SFXN5: variants seen among roughly 807,000 people sequenced by gnomAD.
The protein encoded by SFXN5 is sideroflexin-5.
Under a neutral mutation model 50.2 loss-of-function variants are expected in SFXN5, and 43 were observed. The ratio of observed to expected loss-of-function variants is 0.86; its 90% CI spans 0.67 to 1.11. The LOEUF is 1.11. Ranked by LOEUF, SFXN5 falls within the 50% of genes least tolerant of loss-of-function variation. SFXN5 has a pLI of 0.00. For missense variants in SFXN5, 463 were observed against 454.1 expected (o/e 1.02, Z -0.18); for synonymous variants, 203 against 185.8 (o/e 1.09, Z -0.75).
In SFXN5 at chr2:72,950,288, C is replaced by T. The variant is rs938821769; in HGVS notation, c.946-5189G>A. On this transcript the variant is annotated intron_variant, in intron 13 of 13. Transcript: ENST00000272433. This position sits in a 1 kb window ranked among gnomAD's most constrained non-coding sequence, Gnocchi z 4.2. ...AGAGAGAGTTTTCTGAGAGTTGTCCCAGTGAGGGCTGAGAGGCTTTGGTCT... is the reference window on the plus strand; with the variant it reads ...AGAGAGAGTTTTCTGAGAGTTGTCCTAGTGAGGGCTGAGAGGCTTTGGTCT... Among the ~76,000 whole-genome samples the T allele has an allele frequency of 6.6e-6, 1 of 152,174 alleles. No individual in the cohort carries two copies. Among genetic ancestry groups the T allele is most frequent in the Admixed American group, 6.5e-5 (1 of 15,284 alleles).
chr2:73,059,049 G>A, intron 1 of SFXN5: 1 of 997,286 alleles, frequency 1.0e-6, no homozygotes, highest in Non-Finnish European at 1.2e-6. Flanking sequence ...CTGCCTCCAG[G>A]GGGGATCCCC....
intron 10 of SFXN5, among the ~76,000 whole-genome samples, chr2:72,974,685 T>C (rs532507869): frequency 2.0e-5 from 3 of 152,294 alleles, no homozygotes; most frequent in Non-Finnish European, 1.5e-5. Flanking sequence ...CCTTGGGCAG[T>C]GGGAATGCCA....
intron 6 of SFXN5, among the ~76,000 whole-genome samples, chr2:73,003,691 C>T (rs543099649): frequency 1.1e-4 from 16 of 152,358 alleles, no homozygotes; most frequent in Admixed American, 5.2e-4. Flanking sequence ...CCCTAACCTT[C>T]CCTTTGTCTC....
intron 6 of SFXN5, among the ~76,000 whole-genome samples, chr2:73,012,542 T>C (rs539681588): frequency 1.3e-5 from 2 of 151,756 alleles, no homozygotes; most frequent in Non-Finnish European, 2.9e-5. Context: ...AGGCCAACTA[T>C]TGTTCATGTA....
intron 6 of SFXN5, among the ~76,000 whole-genome samples, chr2:73,014,765 T>C (rs1385548276): frequency 2.0e-5 from 3 of 152,236 alleles, no homozygotes; most frequent in South Asian, 4.1e-4. Context: ...TAAAATACTA[T>C]TGTAAATGAC....
intron 2 of SFXN5, chr2:73,042,366 G>T (rs1679752247): frequency 6.6e-6 from 1 of 152,182 alleles, no homozygotes; most frequent in Admixed American, 6.5e-5. Context: ...TGTAATCCCA[G>T]CACTTTGGGA....
intron 6 of SFXN5, among the ~76,000 whole-genome samples, chr2:73,012,442 G>A (rs1474410851): frequency 2.0e-5 from 3 of 151,078 alleles, no homozygotes; most frequent in African/African-American, 7.3e-5. Flanking sequence ...TAAATCCTAG[G>A]AGATATTTCT....
chr2:72,992,674 G>A lies in SFXN5; in HGVS notation c.535-4326C>T, dbSNP rs762639498. ...TCTCCCGGATGTCATGAATGCAGCT[G>A]TTTGCTCTCCCTGCTCCCAACACTC... On this transcript the variant is annotated intron_variant, in intron 9 of 13. Coordinates refer to ENST00000272433, the MANE Select transcript of SFXN5 (RefSeq NM_144579.3). The surrounding 1 kb of genome is among the most constrained non-coding windows in gnomAD (Gnocchi z 4.5). 3.9e-5 allele frequency among the ~76,000 whole-genome samples: 6 copies of A among 152,188 alleles called. No individual in the cohort carries two copies. Among genetic ancestry groups the A allele is most frequent in the Non-Finnish European group, 8.8e-5 (6 of 68,034 alleles).
At chr2:73,020,170 G>A (rs1453189389) in intron 6 of SFXN5, 69 bp downstream of exon 6, 1 of 1,414,614 alleles carries the variant, frequency 7.1e-7, no homozygotes, top group African/African-American at 1.4e-5. Context: ...ATACCCGTGA[G>A]CAATAACATA....
At chr2:73,015,956 AAAAG>A (rs1171532023) in intron 6 of SFXN5, among the ~76,000 whole-genome samples, 1 of 152,068 alleles carries the variant, frequency 6.6e-6, no homozygotes, top group African/African-American at 2.4e-5. Flanking sequence ...AAAAAAAAAA[AAAAG>A]ACTCTATATT....
intron 13 of SFXN5, among the ~76,000 whole-genome samples, chr2:72,955,841 G>C (rs1452402069): frequency 6.6e-6 from 1 of 152,200 alleles, no homozygotes; most frequent in Non-Finnish European, 1.5e-5. Flanking sequence ...CACCAAAGGG[G>C]GCAAGGCCAG....
chr2:73,033,303 CTTTTG>C (rs1041159674), intron 3 of SFXN5, among the ~76,000 whole-genome samples: 1 of 152,194 alleles, frequency 6.6e-6, no homozygotes, highest in Non-Finnish European at 1.5e-5. Context: ...AAAATCTCTG[CTTTTG>C]TTGAGTTTAG....
chr2:72,995,386 A>G (rs1673097644), intron 9 of SFXN5, among the ~76,000 whole-genome samples: 1 of 152,240 alleles, frequency 6.6e-6, no homozygotes, highest in South Asian at 2.1e-4. Context: ...AAGGTTCACC[A>G]AGAGGCTGCT....
intron 1 of SFXN5, chr2:73,071,312 C>G (rs1486106109): frequency 2.4e-6 from 1 of 422,136 alleles, no homozygotes; most frequent in Non-Finnish European, 4.2e-6. Flanking sequence ...GGACCTTGAC[C>G]GCAGCCGCCG....
chr2:73,029,668 T>C (rs991338607), intron 3 of SFXN5, among the ~76,000 whole-genome samples: 2 of 152,212 alleles, frequency 1.3e-5, no homozygotes, highest in Admixed American at 1.3e-4. Flanking sequence ...CCAGAATGAC[T>C]TATTCACTTA....
At chr2:73,021,264 C>A (rs186612090) in intron 5 of SFXN5, among the ~76,000 whole-genome samples, 1 of 152,262 alleles carries the variant, frequency 6.6e-6, no homozygotes, top group East Asian at 1.9e-4. Context: ...AGGCGGATCA[C>A]TTGAGGTCAG....
Position 72,953,448 on chromosome 2 carries a change from G to A in SFXN5, c.945+7683C>T, listed in dbSNP as rs1262116997. On this transcript the variant is annotated intron_variant, in intron 13 of 13. Transcript: ENST00000272433. This position sits in a 1 kb window ranked among gnomAD's most constrained non-coding sequence, Gnocchi z 4.1. ...TGTAGACTCAGGAGGGATGCAATGT[G>A]CCCTAGACATTGTCTCTGGCCTCGC... is the stretch of plus-strand genomic sequence containing the variant. Among the ~76,000 whole-genome samples the A allele has an allele frequency of 1.3e-5, 2 of 152,152 alleles. No homozygotes were observed. Among genetic ancestry groups the A allele is most frequent in the African/African-American group, 4.8e-5 (2 of 41,426 alleles).
At chr2:73,032,264 C>T (rs923633739) in intron 3 of SFXN5, among the ~76,000 whole-genome samples, 2 of 152,206 alleles carry the variant, frequency 1.3e-5, no homozygotes, top group Non-Finnish European at 2.9e-5. Context: ...ACTACAATTC[C>T]TGCTTAAGAC....
chr2:73,024,346 A>G (rs985093756), intron 3 of SFXN5, among the ~76,000 whole-genome samples: 1 of 152,186 alleles, frequency 6.6e-6, no homozygotes, highest in Admixed American at 6.5e-5. Context: ...TCAAGGAAAC[A>G]TGGCAAATAA....
Sources: gnomAD v4.1 joint callset for allele counts (sites outside exome capture counted in the v4.1 genomes callset) on GRCh38, gnomAD v4.1.1 for gene constraint, Gnocchi (gnomAD v3.1) non-coding constraint, MANE v1.5 for transcripts, NCBI Gene and HGNC (gene_info 2026-07-23, HGNC 2026-07-21) for gene names.